The following CDH2 variants were observed in gnomAD, a reference collection of about 807,000 sequenced individuals.
The protein encoded by CDH2 is cadherin-2.
CDH2 carries 17 observed loss-of-function variants against 92.0 expected under a neutral mutation model. That is an observed-to-expected ratio of 0.18 (90% CI 0.13 to 0.28). CDH2 has a LOEUF of 0.28. Among genes scored for constraint, CDH2 ranks in the 10% least tolerant of loss-of-function variants. The pLI is 1.00. For synonymous variants in CDH2, 419 were observed against 415.9 expected, an observed-to-expected ratio of 1.01 and a Z score of -0.09; for missense variants, 862 against 1,133.1, an observed-to-expected ratio of 0.76 and a Z score of 3.44.
At chr18:28,145,328 G>A (rs2016019089) in intron 2 of CDH2, among the ~76,000 whole-genome samples, 1 of 152,004 alleles carries the variant, frequency 6.6e-6, no homozygotes, top group Non-Finnish European at 1.5e-5. Context: ...TGAATGCCTT[G>A]GAAAACTGTC....
intron 2 of CDH2, among the ~76,000 whole-genome samples, chr18:28,124,186 T>G (rs2015636899): frequency 6.6e-6 from 1 of 152,100 alleles, no homozygotes; most frequent in Non-Finnish European, 1.5e-5. Context: ...GACTGCTAAA[T>G]GATGCATACA....
intron 2 of CDH2, among the ~76,000 whole-genome samples, chr18:28,138,663 G>A (rs2015903185): frequency 6.6e-6 from 1 of 152,076 alleles, no homozygotes; most frequent in Non-Finnish European, 1.5e-5. Flanking sequence ...CAGGGATTTT[G>A]CTTGTCTGTT....
At chr18:28,133,109 G>C (rs1223060977) in intron 2 of CDH2, among the ~76,000 whole-genome samples, 3 of 152,178 alleles carry the variant, frequency 2.0e-5, no homozygotes, top group Admixed American at 2.0e-4. Context: ...TGACTTTTCA[G>C]GCAAATCCTA....
At position 27,993,429 on chromosome 18, in the gene CDH2, A is replaced by G. The variant is rs960199359; in HGVS notation, c.1158+71T>C. On this transcript the variant is annotated intron_variant, in intron 8 of 15. Coordinates refer to ENST00000269141, the MANE Select transcript of CDH2 (RefSeq NM_001792.5). ...AGTTCCACCTCTATTTAACACATTT[A>G]TTATTCATGACCAACCTTCTCAGTA... 4.8e-6 allele frequency: 7 copies of G among 1,468,630 alleles called. No homozygotes were observed. In the South Asian group the frequency reaches 6.4e-5, roughly 13 times the overall value. 91.0% of individuals were successfully genotyped at this position (1,468,630 alleles called of 1,614,324 possible).
In CDH2 at chr18:28,141,786, T is replaced by C. The variant is rs17536528; in HGVS notation, c.172+5887A>G. 9.7e-3 allele frequency among the ~76,000 whole-genome samples: 1,480 copies of C among 152,124 alleles called. 21 individuals are homozygous for C. Among genetic ancestry groups the C allele is most frequent in the African/African-American group, 0.034 (1,420 of 41,518 alleles). On this transcript the variant is annotated intron_variant, in intron 2 of 15. Transcript: ENST00000269141. ...AGTCAAAGCCCCACACAAAGTGGCC[T>C]ATGACTTATCTGACCTCATCTGACC...
At chr18:28,153,746 T>C (rs2016162970) in intron 1 of CDH2, among the ~76,000 whole-genome samples, 1 of 152,150 alleles carries the variant, frequency 6.6e-6, no homozygotes, top group African/African-American at 2.4e-5. Context: ...GATGAGAGGA[T>C]TAAATGAGTT....
intron 2 of CDH2, among the ~76,000 whole-genome samples, chr18:28,133,138 T>C (rs2015800404): frequency 6.6e-6 from 1 of 152,166 alleles, no homozygotes; most frequent in South Asian, 2.1e-4. Context: ...GCATGGTATG[T>C]CACAAAAAGA....
intron 2 of CDH2, among the ~76,000 whole-genome samples, chr18:28,132,820 C>T (rs1427438101): frequency 6.6e-6 from 1 of 152,200 alleles, no homozygotes; most frequent in East Asian, 1.9e-4. Flanking sequence ...TTATCATCCT[C>T]TCCCAAATCC....
intron 2 of CDH2, among the ~76,000 whole-genome samples, chr18:28,107,481 T>TA (rs2015341043): frequency 6.6e-6 from 1 of 152,078 alleles, no homozygotes; most frequent in South Asian, 2.1e-4. Flanking sequence ...AACTAAATAA[T>TA]AAAAAGTCCA....
intron 11 of CDH2, among the ~76,000 whole-genome samples, chr18:27,988,282 G>T (rs955322316): frequency 7.2e-5 from 11 of 152,170 alleles, no homozygotes; most frequent in Non-Finnish European, 4.4e-5. Flanking sequence ...CATGTGACAG[G>T]ACAATAAGAT....
intron 14 of CDH2, among the ~76,000 whole-genome samples, chr18:27,974,393 G>C (rs2011756843): frequency 6.6e-6 from 1 of 152,178 alleles, no homozygotes. Context: ...CATGTTTCCA[G>C]ATCTTTCTGC....
chr18:28,010,694 G>T (rs2013072604), intron 4 of CDH2, among the ~76,000 whole-genome samples: 1 of 151,470 alleles, frequency 6.6e-6, no homozygotes, highest in Non-Finnish European at 1.5e-5. Context: ...GGGGGGGAAG[G>T]AGTCTCACTC....
intron 2 of CDH2, among the ~76,000 whole-genome samples, chr18:28,060,139 T>C (rs931380333): frequency 6.9e-6 from 1 of 144,264 alleles, no homozygotes; most frequent in Admixed American, 7.2e-5. Flanking sequence ...AGATCCACTA[T>C]TTCAATAAGA....
intron 2 of CDH2, among the ~76,000 whole-genome samples, chr18:28,126,002 A>G (rs989542869): frequency 6.6e-6 from 1 of 152,194 alleles, no homozygotes; most frequent in Admixed American, 6.5e-5. Flanking sequence ...TCTATGGTCA[A>G]TTGCATTATC....
chr18:28,004,803 T>C (rs1337665717), intron 6 of CDH2, among the ~76,000 whole-genome samples: 1 of 152,108 alleles, frequency 6.6e-6, no homozygotes, highest in East Asian at 1.9e-4. Flanking sequence ...ATGGCTGAAC[T>C]TCCTGCACAG....
At chr18:28,086,789 T>C (rs1026312520) in intron 2 of CDH2, among the ~76,000 whole-genome samples, 1 of 152,188 alleles carries the variant, frequency 6.6e-6, no homozygotes, top group Non-Finnish European at 1.5e-5. Context: ...CCTTCTTTTG[T>C]ATCAGACAAA....
chr18:28,073,691 C>CA (rs1218386795), intron 2 of CDH2, among the ~76,000 whole-genome samples: 2 of 152,092 alleles, frequency 1.3e-5, no homozygotes, highest in Non-Finnish European at 2.9e-5. Context: ...ATATGTTAAA[C>CA]ACATTTATTG....
chr18:27,951,923 C>A lies in CDH2; in HGVS notation c.*230G>T. 1 of 513,874 alleles carries A rather than the reference C, an allele frequency of 1.9e-6. No individual in the cohort carries two copies. The highest frequency in any genetic ancestry group is 3.2e-5 in the East Asian group (1 of 31,286). The allele number at this position is 513,874 out of a possible 1,614,324, so 31.8% of individuals were successfully genotyped here. A position where few individuals can be genotyped will look rare whatever the true frequency, so the allele number is the denominator to read the frequency against. ...AAGGTACAAAAAGGCACATAAAATC[C>A]CAGTGCTTCTGTACTGTAAAATTCA... On this transcript the variant is annotated 3_prime_UTR_variant, in exon 16 of 16. Transcript: ENST00000269141.
At chr18:28,087,463 CACAA>C (rs1047951222) in intron 2 of CDH2, among the ~76,000 whole-genome samples, 42 of 152,240 alleles carry the variant, frequency 2.8e-4, no homozygotes, top group African/African-American at 9.6e-4. Context: ...GGCATGCCAA[CACAA>C]ACAAACTGCA....
Sources: gnomAD v4.1 joint callset for allele counts (sites outside exome capture counted in the v4.1 genomes callset) on GRCh38, gnomAD v4.1.1 for gene constraint, MANE v1.5 for transcripts, NCBI Gene and HGNC (gene_info 2026-07-23, HGNC 2026-07-21) for gene names.